SLC22A4: variants seen among roughly 807,000 people sequenced by gnomAD.
SLC22A4 encodes solute carrier family 22 member 4, also known as ET transporter.
Under a neutral mutation model 56.6 loss-of-function variants are expected in SLC22A4, and 39 were observed. The observed-to-expected ratio is 0.69, with a 90% confidence interval of 0.53 to 0.90. The LOEUF is 0.90. Among genes scored for constraint, SLC22A4 ranks in the 40% least tolerant of loss-of-function variants. The pLI is 0.00. For missense variants in SLC22A4, 594 were observed against 696.5 expected, an observed-to-expected ratio of 0.85 and a Z score of 1.66; for synonymous variants, 241 against 281.4, an observed-to-expected ratio of 0.86 and a Z score of 1.44.
intron 3 of SLC22A4, 69 bp from the exon 4 acceptor site, chr5:132,322,115 A>C: frequency 7.2e-7 from 1 of 1,387,096 alleles, no homozygotes; most frequent in Non-Finnish European, 1.0e-6. Context: ...TCTAACTGCC[A>C]CATAATGATA....
At chr5:132,338,535 G>A (rs549690212) in intron 8 of SLC22A4, among the ~76,000 whole-genome samples, 2 of 152,284 alleles carry the variant, frequency 1.3e-5, no homozygotes, top group South Asian at 2.1e-4. Flanking sequence ...GGAGTGCTAC[G>A]GGAGACTGGG....
chr5:132,327,305 A>C lies in SLC22A4; in HGVS notation c.853A>C (p.Ile285Leu). Residue 285 changes from isoleucine (I) to leucine (L), a missense_variant, in exon 5 of 10, where the codon ATA (isoleucine) becomes CTA (leucine). Physicochemically the swap from Ile to Leu is conservative, Grantham distance 5. Transcript: ENST00000200652. ...WFIPESPRWL[I>L]SQRRFREAED... ...CATTCCTGAATCTCCCCGATGGCTG[A>C]TATCCCAGAGAAGATTTAGAGAGGC... The C allele has an allele frequency of 6.2e-7, 1 of 1,606,622 alleles. No homozygotes were observed. The highest frequency in any genetic ancestry group is 8.5e-7 in the Non-Finnish European group (1 of 1,173,794).
chr5:132,320,710 A>C (rs1272697184), intron 3 of SLC22A4, among the ~76,000 whole-genome samples: 2 of 152,210 alleles, frequency 1.3e-5, no homozygotes, highest in Non-Finnish European at 2.9e-5. Flanking sequence ...TAGGTGGTAA[A>C]ATGAGAAACC....
chr5:132,325,365 G>T (rs1750661492), intron 4 of SLC22A4, among the ~76,000 whole-genome samples: 1 of 152,160 alleles, frequency 6.6e-6, no homozygotes, highest in South Asian at 2.1e-4. Flanking sequence ...AGCTACATGT[G>T]GTTAGTGGGT....
intron 5 of SLC22A4, among the ~76,000 whole-genome samples, chr5:132,330,612 G>T (rs1157858003): frequency 6.6e-6 from 1 of 152,148 alleles, no homozygotes; most frequent in Non-Finnish European, 1.5e-5. Flanking sequence ...TGTAATCCCA[G>T]CTACTCAGGA....
chr5:132,309,410 G>A (rs914536492), intron 1 of SLC22A4, among the ~76,000 whole-genome samples: 2 of 152,204 alleles, frequency 1.3e-5, no homozygotes, highest in Non-Finnish European at 2.9e-5. Flanking sequence ...TGGGGCAAAC[G>A]GCCACTGCGT....
At chr5:132,332,557 AC>A (rs1282105640) in intron 6 of SLC22A4, among the ~76,000 whole-genome samples, 1 of 152,108 alleles carries the variant, frequency 6.6e-6, no homozygotes, top group Non-Finnish European at 1.5e-5. Flanking sequence ...GGCTAGAATA[AC>A]CTAGATCCCC....
chr5:132,316,118 C>T (rs270605), intron 3 of SLC22A4, among the ~76,000 whole-genome samples: 90,800 of 151,964 alleles, frequency 0.6, 27,714 homozygotes, highest in African/African-American at 0.65. Flanking sequence ...TTCGCTTCCA[C>T]CCTCTGGCCC....
intron 8 of SLC22A4, among the ~76,000 whole-genome samples, chr5:132,339,475 T>TACACACACAC (rs58759726): frequency 0.015 from 2,259 of 146,694 alleles, 42 homozygotes; most frequent in African/African-American, 0.039. Flanking sequence ...GGTACACACG[T>TACACACACAC]ACACACACAC....
At position 132,344,081 on chromosome 5, in the gene SLC22A4, C is replaced by G. The variant is rs1345323565; in HGVS notation, c.*246C>G. ...TCAATGAAATGGATTGGTAAGATGT[C>G]TTGAAAACATGTTAGTCAAGGACTG... On this transcript the variant is annotated 3_prime_UTR_variant, in exon 10 of 10. Coordinates refer to ENST00000200652, the MANE Select transcript of SLC22A4 (RefSeq NM_003059.3). 1 of 463,696 alleles carries G rather than the reference C, an allele frequency of 2.2e-6. No homozygotes were observed. The highest frequency in any genetic ancestry group is 2.0e-5 in the African/African-American group (1 of 50,828). The allele number at this position is 463,696 out of a possible 1,614,324, so 28.7% of individuals were successfully genotyped here.
Position 132,335,948 on chromosome 5 carries a change from A to T in SLC22A4, c.1392A>T (p.Thr464=), listed in dbSNP as rs1751014574. The stretch of plus-strand genomic sequence containing the variant: ...TCAGGAACATGGCGGTGGGGGTCAC[A>T]TCCACGGCCTCCAGAGTGGGCAGCA... ...TLVRNMAVGV[T]STASRVGSII... is the part of the protein sequence containing the mutation. The change falls in exon 8 of 10, where the codon ACA becomes ACT. Residue 464 remains threonine, a synonymous_variant. Transcript: ENST00000200652. 6.2e-7 allele frequency: 1 copy of T among 1,614,160 alleles called. No homozygotes were observed. The highest frequency in any genetic ancestry group is 1.7e-5 in the Admixed American group (1 of 60,014).
At chr5:132,333,394 A>C (rs1201854213) in intron 6 of SLC22A4, among the ~76,000 whole-genome samples, 1 of 152,242 alleles carries the variant, frequency 6.6e-6, no homozygotes, top group Non-Finnish European at 1.5e-5. Flanking sequence ...AGGCACTTCT[A>C]AAAGGCAGGG....
intron 4 of SLC22A4, among the ~76,000 whole-genome samples, chr5:132,324,030 T>A (rs958644976): frequency 6.6e-6 from 1 of 151,962 alleles, no homozygotes; most frequent in African/African-American, 2.4e-5. Flanking sequence ...CTGTCTGTAC[T>A]AAAAATAAAA....
chr5:132,307,741 C>T (rs1218963431), intron 1 of SLC22A4, among the ~76,000 whole-genome samples: 1 of 152,164 alleles, frequency 6.6e-6, no homozygotes, highest in Non-Finnish European at 1.5e-5. Flanking sequence ...CAACATCACA[C>T]AGTCCAAAGT....
chr5:132,342,053 G>A (rs1751235117), intron 9 of SLC22A4, among the ~76,000 whole-genome samples: 3 of 152,002 alleles, frequency 2.0e-5, no homozygotes, highest in African/African-American at 7.3e-5. Flanking sequence ...TATAACCTTA[G>A]AGAAGATCTT....
Position 132,312,200 on chromosome 5 carries a change from A to G in SLC22A4, c.433A>G (p.Thr145Ala), listed in dbSNP as rs773652433. Reference protein sequence around the residue: ...VCEDNWKVPLTTSLFFVGVLL... With the variant: ...VCEDNWKVPLATSLFFVGVLL... The stretch of plus-strand genomic sequence containing the variant: ...TGAGGACAACTGGAAGGTGCCCCTC[A>G]CCACCTCCCTGTTCTTCGTAGGCGT... The change falls in exon 2 of 10, where the codon ACC becomes GCC. Residue 145 changes from threonine (T) to alanine (A), a missense_variant. Physicochemically the swap from Thr to Ala is moderately conservative, Grantham distance 58. Transcript: ENST00000200652. 4.3e-6 allele frequency: 7 copies of G among 1,613,268 alleles called. No individual in the cohort carries two copies. The South Asian group carries it at 4.4e-5, about 10-fold the overall frequency.
chr5:132,309,419 G>A (rs923849438), intron 1 of SLC22A4, among the ~76,000 whole-genome samples: 4 of 152,226 alleles, frequency 2.6e-5, no homozygotes, highest in Non-Finnish European at 4.4e-5. Context: ...CGGCCACTGC[G>A]TGTGCATGGC....
At chr5:132,339,481 C>CACACACAA (rs1751136248) in intron 8 of SLC22A4, among the ~76,000 whole-genome samples, 1 of 151,470 alleles carries the variant, frequency 6.6e-6, no homozygotes, top group African/African-American at 2.4e-5. Context: ...CACGTACACA[C>CACACACAA]ACACACACAC....
intron 1 of SLC22A4, among the ~76,000 whole-genome samples, chr5:132,305,428 C>T (rs1750003925): frequency 6.6e-6 from 1 of 152,120 alleles, no homozygotes; most frequent in Admixed American, 6.5e-5. Flanking sequence ...CTACACCTTT[C>T]AGAAGCTCAA....
Sources: allele counts gnomAD v4.1 joint callset (sites outside exome capture counted in the v4.1 genomes callset), GRCh38; gene constraint gnomAD v4.1.1; transcripts MANE v1.5; gene names NCBI Gene and HGNC (gene_info 2026-07-23, HGNC 2026-07-21).